The following CFAP54 variants were observed in gnomAD, a reference collection of about 807,000 sequenced individuals.
CFAP54 encodes the protein cilia- and flagella-associated protein 54.
Under a neutral mutation model 370.4 loss-of-function variants are expected in CFAP54, and 290 were observed. The observed-to-expected ratio is 0.78, with a 90% CI of 0.71 to 0.86. CFAP54 has a LOEUF of 0.86. Among genes scored for constraint, CFAP54 ranks in the 40% least tolerant of loss-of-function variants. The pLI is 0.00. For synonymous variants in CFAP54, 1,206 were observed against 1,236.5 expected (o/e 0.98, Z 0.52); for missense variants, 3,399 against 3,528.7 (o/e 0.96, Z 0.93).
intron 66 of CFAP54, among the ~76,000 whole-genome samples, chr12:96,834,578 C>T (rs1404910105): frequency 6.6e-6 from 1 of 152,234 alleles, no homozygotes; most frequent in East Asian, 1.9e-4. Flanking sequence ...CCAGGCGAAC[C>T]AGAAGCAGCT....
chr12:96,802,332 G>A (rs1367518280), intron 63 of CFAP54, among the ~76,000 whole-genome samples: 4 of 152,162 alleles, frequency 2.6e-5, no homozygotes, highest in Non-Finnish European at 5.9e-5. Context: ...CATTTTGAGA[G>A]TTTAATGTTG....
chr12:96,510,503 C>T (rs1230332658), intron 4 of CFAP54, among the ~76,000 whole-genome samples: 1 of 152,120 alleles, frequency 6.6e-6, no homozygotes, highest in Non-Finnish European at 1.5e-5. Context: ...AGGGCAGTCT[C>T]CTGAGGCCTT....
chr12:96,731,083 G>A (rs550317471), intron 50 of CFAP54, among the ~76,000 whole-genome samples: 9 of 152,082 alleles, frequency 5.9e-5, no homozygotes, highest in East Asian at 1.9e-4. Context: ...TCACTGTGTC[G>A]TTCACACTGA....
chr12:96,820,471 C>G (rs1959020021), intron 65 of CFAP54, among the ~76,000 whole-genome samples: 1 of 152,108 alleles, frequency 6.6e-6, no homozygotes, highest in African/African-American at 2.4e-5. Context: ...AGCAGCAAGC[C>G]TAACCATAAG....
chr12:96,647,753 C>A, intron 33 of CFAP54, 122 bp from the exon 34 acceptor site: 1 of 835,940 alleles, frequency 1.2e-6, no homozygotes, highest in South Asian at 2.0e-5. Flanking sequence ...TGACAAAACC[C>A]TTCATGATTT....
intron 67 of CFAP54, among the ~76,000 whole-genome samples, chr12:96,873,299 T>C (rs1436136706): frequency 6.6e-6 from 1 of 152,216 alleles, no homozygotes; most frequent in Non-Finnish European, 1.5e-5. Context: ...GCTGAGATTA[T>C]ATCTGAATCT....
chr12:96,543,850 C>T (rs1018040364), intron 14 of CFAP54, among the ~76,000 whole-genome samples: 4 of 152,094 alleles, frequency 2.6e-5, no homozygotes, highest in African/African-American at 9.7e-5. Flanking sequence ...CCCTGGATCC[C>T]AATCCCTGTT....
chr12:96,545,482 AC>A (rs1433871696), intron 14 of CFAP54, among the ~76,000 whole-genome samples: 1 of 152,034 alleles, frequency 6.6e-6, no homozygotes, highest in Non-Finnish European at 1.5e-5. Context: ...TTTTTAAAAA[AC>A]AAACAATATA....
At chr12:96,753,671 TG>T in intron 55 of CFAP54, 71 bp from the exon 56 acceptor site, 1 of 1,431,506 alleles carries the variant, frequency 7.0e-7, no homozygotes, top group Non-Finnish European at 9.7e-7. Flanking sequence ...GAGAGCAGTC[TG>T]GTAACTTGGA....
chr12:96,758,861 C>G (rs186896055), intron 58 of CFAP54, among the ~76,000 whole-genome samples: 1 of 152,168 alleles, frequency 6.6e-6, no homozygotes, highest in Admixed American at 6.5e-5. Context: ...TAACGAGCCT[C>G]CCAGGTGATG....
chr12:96,860,310 C>G (rs2136462705), intron 66 of CFAP54, among the ~76,000 whole-genome samples: 1 of 152,208 alleles, frequency 6.6e-6, no homozygotes, highest in East Asian at 1.9e-4. Context: ...CAATCAATAA[C>G]CAGTTCTATG....
intron 63 of CFAP54, among the ~76,000 whole-genome samples, chr12:96,807,584 T>C (rs931293700): frequency 6.6e-6 from 1 of 152,146 alleles, no homozygotes; most frequent in Non-Finnish European, 1.5e-5. Flanking sequence ...TAAGGGAGCA[T>C]TGAAAGTTCC....
chr12:96,780,924 A>G (rs905723731), intron 60 of CFAP54, among the ~76,000 whole-genome samples: 6 of 152,228 alleles, frequency 3.9e-5, no homozygotes, highest in African/African-American at 1.4e-4. Flanking sequence ...TGACCAATCA[A>G]GTACAAGGGG....
intron 32 of CFAP54, among the ~76,000 whole-genome samples, chr12:96,642,859 T>A (rs1816901923): frequency 6.6e-6 from 1 of 152,116 alleles, no homozygotes; most frequent in African/African-American, 2.4e-5. Context: ...CCCTGAATGT[T>A]AAGAACTGTT....
chr12:96,605,199 T>C (rs1205305407), intron 26 of CFAP54, among the ~76,000 whole-genome samples: 1 of 152,194 alleles, frequency 6.6e-6, no homozygotes, highest in Non-Finnish European at 1.5e-5. Context: ...TATATATTTA[T>C]TATACTGCGT....
intron 50 of CFAP54, among the ~76,000 whole-genome samples, chr12:96,725,067 T>C (rs1482432926): frequency 6.6e-6 from 1 of 152,222 alleles, no homozygotes; most frequent in South Asian, 2.1e-4. Context: ...CATGCTGTTT[T>C]GGTTACTGTA....
At chr12:96,681,656 T>C (rs7966734) in intron 40 of CFAP54, among the ~76,000 whole-genome samples, 108,319 of 151,744 alleles carry the variant, frequency 0.71, 39,584 homozygotes, top group African/African-American at 0.87. Context: ...AACTCTGCCT[T>C]CTGGGTTCAA....
At chr12:96,513,950 A>T (rs1320254307) in intron 5 of CFAP54, among the ~76,000 whole-genome samples, 2 of 152,168 alleles carry the variant, frequency 1.3e-5, no homozygotes, top group African/African-American at 4.8e-5. Context: ...TTATAATAAG[A>T]TTCTTACTTA....
intron 66 of CFAP54, among the ~76,000 whole-genome samples, chr12:96,841,388 A>G (rs185846372): frequency 6.6e-6 from 1 of 152,352 alleles, no homozygotes; most frequent in East Asian, 1.9e-4. Flanking sequence ...TCAGTTTACC[A>G]AAAAGTTTCA....
Sources: allele counts gnomAD v4.1 joint callset (sites outside exome capture counted in the v4.1 genomes callset), GRCh38; gene constraint gnomAD v4.1.1; transcripts MANE v1.5; gene names NCBI Gene and HGNC (gene_info 2026-07-23, HGNC 2026-07-21).